ZNF609: variants seen among roughly 807,000 people sequenced by gnomAD.
The protein encoded by ZNF609 is zinc finger protein 609.
In ZNF609, 11 loss-of-function variants were observed where a neutral mutation model predicts 109.5. That is an observed-to-expected ratio of 0.10 (90% CI 0.06 to 0.17). ZNF609 has a LOEUF of 0.17. Among genes scored for constraint, ZNF609 ranks in the 10% least tolerant of loss-of-function variants. The pLI, the probability that ZNF609 is intolerant of heterozygous loss-of-function variation, is 1.00. For missense variants in ZNF609, 1,559 were observed against 1,772.4 expected, an observed-to-expected ratio of 0.88 and a Z score of 2.16; for synonymous variants, 646 against 662.0, an observed-to-expected ratio of 0.98 and a Z score of 0.37.
chr15:64,517,960 G>A (rs1893837864), intron 2 of ZNF609, among the ~76,000 whole-genome samples: 1 of 151,598 alleles, frequency 6.6e-6, no homozygotes, highest in Non-Finnish European at 1.5e-5. Context: ...TGGATTTTTT[G>A]TCGAGACAGG....
chr15:64,503,058 C>CA (rs5813306), intron 2 of ZNF609: 57,110 of 138,478 alleles, frequency 0.41, 12,610 homozygotes, highest in East Asian at 0.89. Context: ...GACCTTGTCT[C>CA]AAAAAAAAAA....
chr15:64,464,212 G>A (rs1252091037), intron 1 of ZNF609, among the ~76,000 whole-genome samples: 1 of 152,142 alleles, frequency 6.6e-6, no homozygotes, highest in African/African-American at 2.4e-5. Flanking sequence ...ATAATTTGTT[G>A]AGGGGTTTAC....
At chr15:64,481,504 G>A (rs1893254265) in intron 1 of ZNF609, among the ~76,000 whole-genome samples, 1 of 151,842 alleles carries the variant, frequency 6.6e-6, no homozygotes, top group African/African-American at 2.4e-5. Context: ...ATTTTTAGTA[G>A]AGGCGGGGTT....
In ZNF609 at chr15:64,674,950, C is replaced by T; in HGVS notation, c.2096C>T (p.Pro699Leu). 6.2e-7 allele frequency: 1 copy of T among 1,614,102 alleles called. No homozygotes were observed. The highest frequency in any genetic ancestry group is 1.1e-5 in the South Asian group (1 of 91,074). ...GTGGCACAAGCCATGCCCAACAGTC[C>T]CCAACTCAAGCCCATTCAGCCCAAG... Reference protein sequence around the residue: ...ATVAQAMPNSPQLKPIQPKPT... With the variant: ...ATVAQAMPNSLQLKPIQPKPT... Residue 699 changes from proline to leucine, a missense_variant, in exon 5 of 10, where the codon CCC (proline) becomes CTC (leucine). Around this residue, in one of 4 missense-constraint regions of ZNF609, gnomAD observed 1,204 missense variants for 1,314.1 expected, o/e 0.92. Coordinates refer to ENST00000326648, the MANE Select transcript of ZNF609 (RefSeq NM_015042.2).
At chr15:64,502,002 G>A (rs1893568891) in intron 2 of ZNF609, 1 of 152,180 alleles carries the variant, frequency 6.6e-6, no homozygotes, top group Admixed American at 6.5e-5. Flanking sequence ...ATACATCCTG[G>A]TGCCAGGGAG....
rs1436362854 is a variant in ZNF609, at chr15:64,674,429, C to T, written c.1575C>T (p.Ser525=). Residue 525 remains serine, a synonymous_variant, in exon 5 of 10, where the codon AGC becomes AGT. Coordinates refer to ENST00000326648, the MANE Select transcript of ZNF609 (RefSeq NM_015042.2). ...HQAHAHTDDD[S]KPEADGDSEY... ...CTCATGCCCATACAGATGATGACAG[C>T]AAGCCGGAAGCGGATGGGGACAGTG... 3 of 1,614,166 alleles carry T rather than the reference C, an allele frequency of 1.9e-6. No homozygotes were observed. Among genetic ancestry groups the T allele is most frequent in the Non-Finnish European group, 2.5e-6 (3 of 1,180,036 alleles).
chr15:64,557,763 C>A (rs1437850375), intron 2 of ZNF609, among the ~76,000 whole-genome samples: 4 of 152,180 alleles, frequency 2.6e-5, no homozygotes, highest in Non-Finnish European at 4.4e-5. Context: ...GTGGCGCGAT[C>A]TCGGCCCAGT....
At chr15:64,545,780 C>A (rs1029132206) in intron 2 of ZNF609, among the ~76,000 whole-genome samples, 11 of 152,064 alleles carry the variant, frequency 7.2e-5, no homozygotes, top group African/African-American at 2.2e-4. Context: ...TTTTTTGTGT[C>A]CAGCTTCTTT....
chr15:64,655,073 G>C (rs1049864016), intron 3 of ZNF609, among the ~76,000 whole-genome samples: 2 of 147,098 alleles, frequency 1.4e-5, no homozygotes, highest in Non-Finnish European at 3.0e-5. Context: ...TCCAGCCTGG[G>C]TGACAGAACG....
At chr15:64,469,741 A>AGCTGCAAAAT in intron 1 of ZNF609, among the ~76,000 whole-genome samples, 1 of 152,222 alleles carries the variant, frequency 6.6e-6, no homozygotes, top group South Asian at 2.1e-4. Context: ...AGCTGCAAAA[A>AGCTGCAAAAT]AGGCTGGCCT....
chr15:64,645,008 T>TCTTTCTTCCTTC (rs1311156425), intron 3 of ZNF609, among the ~76,000 whole-genome samples: 54 of 140,146 alleles, frequency 3.9e-4, no homozygotes, highest in South Asian at 3.1e-3. Flanking sequence ...TTTCTTTCTT[T>TCTTTCTTCCTTC]CTTCCTTCCT....
intron 2 of ZNF609, among the ~76,000 whole-genome samples, chr15:64,607,852 TTTC>T (rs1567027692): frequency 0.71 from 47,756 of 67,540 alleles, 20,152 homozygotes; most frequent in East Asian, 0.97. Context: ...TCTTTCTTTC[TTTC>T]TTTCTTTCTT....
chr15:64,673,884 A>G (rs780916443), intron 4 of ZNF609, 32 bp from the exon 5 acceptor site: 1 of 1,580,220 alleles, frequency 6.3e-7, no homozygotes, highest in Admixed American at 1.8e-5. Context: ...TCTCTTCTTA[A>G]TAATATTCTG....
At chr15:64,605,354 T>C (rs1895577538) in intron 2 of ZNF609, among the ~76,000 whole-genome samples, 1 of 152,116 alleles carries the variant, frequency 6.6e-6, no homozygotes, top group Admixed American at 6.6e-5. Context: ...ATTCCCCTGC[T>C]AGAAGAAGGG....
chr15:64,487,956 GA>G (rs781748199), intron 1 of ZNF609, among the ~76,000 whole-genome samples: 8 of 152,108 alleles, frequency 5.3e-5, no homozygotes, highest in Non-Finnish European at 1.0e-4. Context: ...TTTTAAGTGT[GA>G]CACTTGGATG....
At chr15:64,500,260 A>T in intron 2 of ZNF609, 94 bp downstream of exon 2, 1 of 1,505,474 alleles carries the variant, frequency 6.6e-7, no homozygotes, top group Non-Finnish European at 9.0e-7. Context: ...TGGGAGGCTC[A>T]TTAGTGTGTG....
At chr15:64,621,828 C>T (rs547377515) in intron 2 of ZNF609, among the ~76,000 whole-genome samples, 10 of 150,268 alleles carry the variant, frequency 6.7e-5, no homozygotes, top group African/African-American at 9.8e-5. Context: ...CAGGTTCAAG[C>T]GATTCTGCTG....
chr15:64,613,892 A>G (rs1414814111), intron 2 of ZNF609, among the ~76,000 whole-genome samples: 1 of 151,248 alleles, frequency 6.6e-6, no homozygotes, highest in South Asian at 2.1e-4. Flanking sequence ...ATTCCAGTCA[A>G]CAGAAAGTGG....
At position 64,575,869 on chromosome 15, in the gene ZNF609, G is replaced by A. The variant is rs368934192; in HGVS notation, c.748-46958G>A. Among the ~76,000 whole-genome samples, 8 of 152,296 alleles carry A rather than the reference G, an allele frequency of 5.3e-5. No homozygotes were observed. In the South Asian group the frequency reaches 8.3e-4, roughly 16 times the overall value. On this transcript the variant is annotated intron_variant, in intron 2 of 9. Coordinates refer to ENST00000326648, the MANE Select transcript of ZNF609 (RefSeq NM_015042.2). ...TGTAATCCCAGCACTTTGGGAGGCC[G>A]AGGCAGGTGGATCACGGGGTCAGGA...
Sources: allele counts gnomAD v4.1 joint callset (sites outside exome capture counted in the v4.1 genomes callset), GRCh38; gene constraint gnomAD v4.1.1; regional missense constraint gnomAD v4.1.1; transcripts MANE v1.5; gene names NCBI Gene and HGNC (gene_info 2026-07-23, HGNC 2026-07-21).